The following PROS1 variants were observed in gnomAD, a reference collection of about 807,000 sequenced individuals.
PROS1 encodes the protein protein S.
A neutral mutation model predicts 75.9 loss-of-function variants in PROS1; 29 were observed. The observed-to-expected ratio is 0.38, with a 90% confidence interval of 0.28 to 0.52. PROS1 has a LOEUF of 0.52. Ranked by LOEUF, PROS1 falls within the 20% of genes least tolerant of loss-of-function variation. PROS1 has a pLI of 0.83. For missense variants in PROS1, 680 were observed against 810.3 expected (o/e 0.84, Z 1.95); for synonymous variants, 245 against 280.6 (o/e 0.87, Z 1.27).
chr3:93,878,910 T>C (rs1170928490), intron 13 of PROS1, among the ~76,000 whole-genome samples: 1 of 152,108 alleles, frequency 6.6e-6, no homozygotes, highest in Non-Finnish European at 1.5e-5. Context: ...TAATCTTAGG[T>C]ATAGATGCAG....
chr3:93,918,687 G>T (rs946334584), intron 3 of PROS1, among the ~76,000 whole-genome samples: 8 of 152,008 alleles, frequency 5.3e-5, no homozygotes, highest in Admixed American at 5.2e-4. Flanking sequence ...TACAGGCCTC[G>T]CCACCACTCC....
chr3:93,916,403 G>A (rs1162759671), intron 3 of PROS1, among the ~76,000 whole-genome samples: 2 of 152,148 alleles, frequency 1.3e-5, no homozygotes, highest in Admixed American at 6.5e-5. Flanking sequence ...TATGAGTTTA[G>A]AACCCCAGGC....
chr3:93,898,664 T>C, intron 7 of PROS1, 95 bp from the exon 8 acceptor site: 1 of 1,405,690 alleles, frequency 7.1e-7, no homozygotes, highest in East Asian at 2.3e-5. Context: ...TATGATATAA[T>C]CAATGATAAT....
At chr3:93,973,568 A>G in intron 1 of PROS1, 106 bp downstream of exon 1, 3 of 1,226,564 alleles carry the variant, frequency 2.4e-6, no homozygotes, top group South Asian at 2.6e-5. Flanking sequence ...CTTACTGGAA[A>G]CTTTCTAGGA....
chr3:93,913,236 T>C (rs898182015), intron 3 of PROS1, among the ~76,000 whole-genome samples: 6 of 152,138 alleles, frequency 3.9e-5, no homozygotes, highest in African/African-American at 1.4e-4. Context: ...TGCTTCCTGA[T>C]ATAGTTTGGC....
chr3:93,972,655 A>T (rs1312418082), intron 1 of PROS1, among the ~76,000 whole-genome samples: 2 of 151,068 alleles, frequency 1.3e-5, no homozygotes, highest in African/African-American at 4.9e-5. Context: ...CCTGGCCAAC[A>T]TGGTGAAACC....
At chr3:93,922,840 T>C (rs1397673461) in intron 3 of PROS1, among the ~76,000 whole-genome samples, 1 of 152,128 alleles carries the variant, frequency 6.6e-6, no homozygotes, top group African/African-American at 2.4e-5. Context: ...GACCAAAATA[T>C]GAAATTTAAA....
In PROS1 at chr3:93,886,439, A is replaced by G. The variant is rs1425495505; in HGVS notation, c.1220T>C (p.Ile407Thr). The G allele has an allele frequency of 6.2e-7, 1 of 1,612,928 alleles. No homozygotes were observed. Among genetic ancestry groups the G allele is most frequent in the Non-Finnish European group, 8.5e-7 (1 of 1,179,094 alleles). Residue 407 changes from isoleucine to threonine, a missense_variant, in exon 11 of 15, where the codon ATA (isoleucine) becomes ACA (threonine). Ile to Thr is a moderately conservative substitution (Grantham distance 89). Coordinates refer to ENST00000394236, the MANE Select transcript of PROS1 (RefSeq NM_000313.4). ...CTTAAAAAGGGGTCCAGGTTTATTT[A>G]TATCCATCACAGCTTCTTTAGCTAT... is the stretch of plus-strand genomic sequence containing the variant. ...IKIAKEAVMD[I>T]NKPGPLFKPE...
chr3:93,960,541 T>TTTGCTC (rs1709691198), intron 1 of PROS1, among the ~76,000 whole-genome samples: 2 of 138,252 alleles, frequency 1.4e-5, no homozygotes, highest in Admixed American at 1.4e-4. Context: ...TCTTTTTTTT[T>TTTGCTC]TTTTTTTTTT....
chr3:93,950,349 C>A (rs543992616), intron 1 of PROS1, among the ~76,000 whole-genome samples: 90 of 152,280 alleles, frequency 5.9e-4, no homozygotes, highest in Admixed American at 3.4e-3. Context: ...TCTCCCAGCA[C>A]GGAGTTTGAT....
chr3:93,932,869 A>G (rs1024516474), intron 1 of PROS1, among the ~76,000 whole-genome samples: 1 of 152,210 alleles, frequency 6.6e-6, no homozygotes, highest in Non-Finnish European at 1.5e-5. Context: ...AAAACTGATC[A>G]GTCAGGTTAA....
rs543984583 is a variant in PROS1 at position 93,939,453 on chromosome 3, G to A, written c.77-12046C>T. 9.7e-4 allele frequency among the ~76,000 whole-genome samples: 147 copies of A among 151,818 alleles called. 1 individual carries two copies. The highest frequency in any genetic ancestry group is 2.6e-3 in the African/African-American group (107 of 41,374). ...AGTGCTCCTCCTCAGTTTGCTCCCC[G>A]CCAGGCTGAATCAGGCTCCAATTCT... On this transcript the variant is annotated intron_variant, in intron 1 of 14. Coordinates refer to ENST00000394236, the MANE Select transcript of PROS1 (RefSeq NM_000313.4).
chr3:93,898,839 T>G (rs1708542683), intron 7 of PROS1, among the ~76,000 whole-genome samples: 1 of 152,066 alleles, frequency 6.6e-6, no homozygotes, highest in African/African-American at 2.4e-5. Flanking sequence ...TCTACCAAAT[T>G]TCTCATTTTG....
intron 1 of PROS1, among the ~76,000 whole-genome samples, chr3:93,966,351 A>T (rs1709788911): frequency 6.6e-6 from 1 of 152,200 alleles, no homozygotes; most frequent in Non-Finnish European, 1.5e-5. Flanking sequence ...AGAGATGAGA[A>T]TGTTTGTGTT....
Position 93,886,593 on chromosome 3 carries a change from A to G in PROS1, c.1156-90T>C, listed in dbSNP as rs1431729013. 2.3e-5 allele frequency: 22 copies of G among 971,650 alleles called. No homozygotes were observed. The East Asian group carries it at 5.0e-4, about 22-fold the overall frequency. 60.2% of individuals were successfully genotyped at this position (971,650 alleles called of 1,614,324 possible). On this transcript the variant is annotated intron_variant, in intron 10 of 14. Coordinates refer to ENST00000394236, the MANE Select transcript of PROS1 (RefSeq NM_000313.4). ...ATCTAAAACTTATGTTATTATTCCA[A>G]TAAAATACTTCTGTAAAGTAATCAT...
intron 1 of PROS1, among the ~76,000 whole-genome samples, chr3:93,933,871 C>T (rs773825089): frequency 3.3e-5 from 5 of 151,722 alleles, no homozygotes; most frequent in African/African-American, 4.8e-5. Flanking sequence ...TAGCTGGGCA[C>T]GGTGGTGCGT....
At chr3:93,973,539 C>G (rs1435256245) in intron 1 of PROS1, 135 bp downstream of exon 1, 15 of 878,824 alleles carry the variant, frequency 1.7e-5, no homozygotes, top group Non-Finnish European at 2.6e-5. Context: ...TGTTTCCATC[C>G]GCTGGGTGTC....
intron 8 of PROS1, among the ~76,000 whole-genome samples, chr3:93,897,564 G>A (rs755776964): frequency 6.6e-6 from 1 of 151,940 alleles, no homozygotes; most frequent in African/African-American, 2.4e-5. Context: ...AAGTAGTAAC[G>A]TACCAAAATT....
intron 1 of PROS1, among the ~76,000 whole-genome samples, chr3:93,950,130 G>A (rs1482793479): frequency 6.6e-6 from 1 of 152,160 alleles, no homozygotes; most frequent in African/African-American, 2.4e-5. Context: ...AGCAAGGCTG[G>A]GGGGAAGCGC....
Sources: gnomAD v4.1 joint callset for allele counts (sites outside exome capture counted in the v4.1 genomes callset) on GRCh38, gnomAD v4.1.1 for gene constraint, MANE v1.5 for transcripts, NCBI Gene and HGNC (gene_info 2026-07-23, HGNC 2026-07-21) for gene names.